Variants in MAMSTR observed in about 807,000 individuals in gnomAD.
MAMSTR encodes the protein MEF2 activating motif and SAP domain containing transcriptional regulator.
In MAMSTR, 41 loss-of-function variants were observed where a neutral mutation model predicts 42.7. The observed-to-expected ratio is 0.96, with a 90% CI of 0.75 to 1.25. MAMSTR has a LOEUF of 1.25. Among genes scored for constraint, MAMSTR ranks in the 50% most tolerant of loss-of-function variants. The probability of loss-of-function intolerance (pLI) is 0.00; values close to 1 mark genes in which losing one functional copy is unlikely to be tolerated. For missense variants in MAMSTR, 567 were observed against 557.6 expected (o/e 1.02, Z -0.17); for synonymous variants, 265 against 244.1 (o/e 1.09, Z -0.80).
intron 7 of MAMSTR, 135 bp downstream of exon 7, chr19:48,714,231 C>T: frequency 4.9e-5 from 49 of 996,258 alleles, no homozygotes; most frequent in Non-Finnish European, 6.7e-5. Flanking sequence ...TAGTCTGAAC[C>T]ACGTCCCCTC....
In MAMSTR at chr19:48,713,084, G is replaced by A. The variant is rs1442040666; in HGVS notation, c.*183C>T. The A allele has an allele frequency of 3.6e-6, 2 of 562,430 alleles. No homozygotes were observed. Among genetic ancestry groups the A allele is most frequent in the Non-Finnish European group, 6.0e-6 (2 of 332,558 alleles). 34.8% of individuals were successfully genotyped at this position (562,430 alleles called of 1,614,324 possible). On this transcript the variant is annotated 3_prime_UTR_variant, in exon 10 of 10. Coordinates refer to ENST00000318083, the MANE Select transcript of MAMSTR (RefSeq NM_001130915.2). ...CCACGCCGGAGGGGGATCATAAGGA[G>A]GCCAGGTAGGCAAAGTTAAGGCAGT...
the MAMSTR span, among the ~76,000 whole-genome samples, chr19:48,706,286 C>CAAAA: frequency 7.7e-6 from 1 of 130,042 alleles, no homozygotes. Flanking sequence ...GACTCCATCT[C>CAAAA]AAAAAAAAAA....
At chr19:48,712,696 T>C (rs2032761161), downstream of MAMSTR, 1 of 152,414 alleles carries the variant, frequency 6.6e-6, no homozygotes, top group African/African-American at 2.4e-5. Flanking sequence ...CCTCCCAAAG[T>C]GCTGGGATCG....
Position 48,719,091 on chromosome 19 carries a change from G to T in MAMSTR, c.-21-39C>A, listed in dbSNP as rs1417721011. ...GGGCAGGGCAGGGGCCCCATAGAGG[G>T]CTGGCTCAGAGTGGAGGTCAGGAGG... On this transcript the variant is annotated intron_variant, in intron 1 of 9. Coordinates refer to ENST00000318083, the MANE Select transcript of MAMSTR (RefSeq NM_001130915.2). The surrounding 1 kb of genome is among the most constrained non-coding windows in gnomAD (Gnocchi z 4.4). The T allele has an allele frequency of 1.4e-6, 2 of 1,463,160 alleles. No individual in the cohort carries two copies. Among genetic ancestry groups the T allele is most frequent in the South Asian group, 1.2e-5 (1 of 82,324 alleles). 90.6% of individuals were successfully genotyped at this position (1,463,160 alleles called of 1,614,324 possible).
chr19:48,717,534 CT>C (rs34694985), intron 2 of MAMSTR, among the ~76,000 whole-genome samples: 42,456 of 126,372 alleles, frequency 0.34, 6,010 homozygotes, highest in East Asian at 0.75. Flanking sequence ...TGTTAACTAT[CT>C]TTTTTTTTTT....
chr19:48,707,838 GGAAA>G (rs4002470), downstream of MAMSTR, among the ~76,000 whole-genome samples: 6,852 of 90,866 alleles, frequency 0.075, 268 homozygotes, highest in Admixed American at 0.082. Flanking sequence ...AAGAAAGAAA[GGAAA>G]GAAAGAAAGA....
intron 5 of MAMSTR, 69 bp from the exon 6 acceptor site, chr19:48,714,977 C>A: frequency 9.7e-7 from 1 of 1,031,012 alleles, no homozygotes. Flanking sequence ...CTGGGGTCCT[C>A]AAAGACGGGG....
At chr19:48,715,044 A>G in intron 5 of MAMSTR, 136 bp from the exon 6 acceptor site, 3 of 693,266 alleles carry the variant, frequency 4.3e-6, no homozygotes, top group Non-Finnish European at 7.3e-6. Context: ...CAAGGGCGCA[A>G]ACATGGGGCT....
At position 48,715,409 on chromosome 19, in the gene MAMSTR, T is replaced by C; in HGVS notation, c.278A>G (p.Lys93Arg). Residue 93 changes from lysine to arginine, a missense_variant, in exon 5 of 10, where the codon AAG (lysine) becomes AGG (arginine). Physicochemically the swap from Lys to Arg is conservative, Grantham distance 26. Transcript: ENST00000318083. ...PKISQRWRES[K>R]PRGNLTYHQY... ...GTGGTATGTCAAGTTCCCCCTGGGC[T>C]TGGACTCCCTCCAACGTTGGGAGAT... The C allele has an allele frequency of 6.6e-7, 1 of 1,513,916 alleles. No homozygotes were observed. 93.8% of individuals were successfully genotyped at this position (1,513,916 alleles called of 1,614,324 possible).
Position 48,715,004 on chromosome 19 carries a change from G to C in MAMSTR, c.426-96C>G, listed in dbSNP as rs2032939183. 23 of 830,370 alleles carry C rather than the reference G, an allele frequency of 2.8e-5. No individual in the cohort carries two copies. The South Asian group carries it at 3.9e-4, about 14-fold the overall frequency. 51.4% of individuals were successfully genotyped at this position (830,370 alleles called of 1,614,324 possible). On this transcript the variant is annotated intron_variant, in intron 5 of 9. Transcript: ENST00000318083. ...AAGACGGGGAGCTGGGGAAGATGCA[G>C]AAAAGTGAGGGTCCAGAATTCTGGG...
At position 48,714,352 on chromosome 19, in the gene MAMSTR, A is replaced by G; in HGVS notation, c.723+14T>C. The G allele has an allele frequency of 5.9e-6, 8 of 1,355,698 alleles. No individual in the cohort carries two copies. Among genetic ancestry groups the G allele is most frequent in the Non-Finnish European group, 7.5e-6 (8 of 1,060,596 alleles). The allele number at this position is 1,355,698 out of a possible 1,614,324, so 84.0% of individuals were successfully genotyped here. A position where few individuals can be genotyped will look rare whatever the true frequency, so the allele number is the denominator to read the frequency against. ...TCTCTTCATTGGTCCGCAAGCTCAT[A>G]GCCCCGCCCTCACCGAGCCCTGACG... On this transcript the variant is annotated intron_variant, in intron 7 of 9. Transcript: ENST00000318083.
rs776651805 is a variant in MAMSTR at position 48,715,275 on chromosome 19, G to A, written c.412C>T (p.Gln138Ter). The A allele has an allele frequency of 1.9e-6, 3 of 1,590,696 alleles. No individual in the cohort carries two copies. Among genetic ancestry groups the A allele is most frequent in the East Asian group, 2.3e-5 (1 of 44,176 alleles). Residue 138 changes from glutamine to a stop codon, truncating the protein, a stop_gained, in exon 5 of 10, where the codon CAG (glutamine) becomes TAG (stop). Transcript: ENST00000318083. LOFTEE classifies it high-confidence loss of function. ...PSLWEGTDSQ[Q>*]PHPRMKPSPL... ...TGGGTGTCATACCTAGGATGTGGCT[G>A]CTGCGAGTCTGTCCCTTCCCACAGA... is the stretch of plus-strand genomic sequence containing the variant.
At chr19:48,709,916 C>T (rs937658775), downstream of MAMSTR, among the ~76,000 whole-genome samples, 1 of 152,208 alleles carries the variant, frequency 6.6e-6, no homozygotes, top group African/African-American at 2.4e-5. Flanking sequence ...TTCGCCCAGG[C>T]TGGAGTGCAG....
At chr19:48,710,585 C>A (rs1360779494), downstream of MAMSTR, among the ~76,000 whole-genome samples, 2 of 144,174 alleles carry the variant, frequency 1.4e-5, no homozygotes, top group Non-Finnish European at 1.5e-5. Flanking sequence ...CGGTGTTTGG[C>A]CCTGAAACCT....
chr19:48,713,427 G>T lies in MAMSTR; in HGVS notation c.1088C>A (p.Ser363Tyr), dbSNP rs1273260122. The T allele has an allele frequency of 1.2e-6, 2 of 1,613,350 alleles. No individual in the cohort carries two copies. The highest frequency in any genetic ancestry group is 1.3e-5 in the African/African-American group (1 of 75,038). ...SSLPSPTNSS[S>Y]PSPRDPTDSL... Reference sequence around the variant, plus strand: ...GTCCGTGGGGTCCCTGGGAGAAGGGGAGGAGGAGTTCGTGGGAGACGGGAG... The same window carrying T: ...GTCCGTGGGGTCCCTGGGAGAAGGGTAGGAGGAGTTCGTGGGAGACGGGAG... Residue 363 changes from serine to tyrosine, a missense_variant, in exon 10 of 10, where the codon TCC becomes TAC. Transcript: ENST00000318083.
Position 48,713,978 on chromosome 19 carries a change from G to C in MAMSTR, c.791C>G (p.Pro264Arg). Residue 264 changes from proline to arginine, a missense_variant, in exon 8 of 10, where the codon CCG (proline) becomes CGG (arginine). By Grantham distance (103) the Pro-to-Arg change is moderately radical (BLOSUM62 -2). Transcript: ENST00000318083. ...AGGAGCCGGAGTGGGAGTTGGAGCC[G>C]GAGCCGTCCCCGGGGTATCCGCGGC... is the stretch of plus-strand genomic sequence containing the variant. The part of the protein sequence containing the change: ...PRAADTPGTA[P>R]APTPTPAPAA... The C allele has an allele frequency of 6.2e-7, 1 of 1,612,994 alleles. No homozygotes were observed. The highest frequency in any genetic ancestry group is 8.5e-7 in the Non-Finnish European group (1 of 1,179,670).
downstream of MAMSTR, among the ~76,000 whole-genome samples, chr19:48,707,885 A>AAG (rs1337368245): frequency 8.8e-6 from 1 of 113,798 alleles, no homozygotes; most frequent in African/African-American, 3.8e-5. Flanking sequence ...GAAAGAAAGA[A>AAG]AGAAAAGAAA....
At position 48,715,351 on chromosome 19, in the gene MAMSTR, G is replaced by A. The variant is rs1470250435; in HGVS notation, c.336C>T (p.Ser112=). The change falls in exon 5 of 10, where the codon TCC becomes TCT. Residue 112 remains serine (S), a synonymous_variant. Coordinates refer to ENST00000318083, the MANE Select transcript of MAMSTR (RefSeq NM_001130915.2). Reference sequence around the variant, plus strand: ...ACCCCTCGGCTTGGGGGTCCGCCCTGGATCCCTGTCTCGGCTCTGGGGGCA... The same window carrying A: ...ACCCCTCGGCTTGGGGGTCCGCCCTAGATCCCTGTCTCGGCTCTGGGGGCA... ...QYMPPEPRQG[S]RADPQAEGSA... 6.4e-6 allele frequency: 10 copies of A among 1,553,014 alleles called. No individual in the cohort carries two copies. The Admixed American group carries it at 2.1e-4, about 33-fold the overall frequency.
At chr19:48,707,011 A>T in the MAMSTR span, among the ~76,000 whole-genome samples, 1 of 151,978 alleles carries the variant, frequency 6.6e-6, no homozygotes, top group East Asian at 1.9e-4. Context: ...TGGGAGGATC[A>T]ATTGAGCCCA....
Sources: allele counts gnomAD v4.1 joint callset (sites outside exome capture counted in the v4.1 genomes callset), GRCh38; gene constraint gnomAD v4.1.1; non-coding constraint Gnocchi (gnomAD v3.1); transcripts MANE v1.5; gene names NCBI Gene and HGNC (gene_info 2026-07-23, HGNC 2026-07-21).